Variants in UNC5D observed in about 807,000 individuals in gnomAD.
UNC5D encodes the protein unc-5 netrin receptor D, also known as netrin receptor UNC5D.
Under a neutral mutation model 105.4 loss-of-function variants are expected in UNC5D, and 39 were observed. The ratio of observed to expected loss-of-function variants is 0.37; its 90% CI spans 0.29 to 0.48. The LOEUF (loss-of-function observed/expected upper bound fraction) is 0.48, where lower values mean the gene tolerates loss of function less well. UNC5D is among the 20% of genes least tolerant of loss of function. The pLI is 0.98. For synonymous variants in UNC5D, 452 were observed against 450.4 expected (o/e 1.00, Z -0.04); for missense variants, 991 against 1,202.4 (o/e 0.82, Z 2.60).
chr8:35,322,331 T>TC (rs955147106), intron 1 of UNC5D, among the ~76,000 whole-genome samples: 6 of 151,626 alleles, frequency 4.0e-5, no homozygotes, highest in South Asian at 4.2e-4. Context: ...TGTTTTTTTC[T>TC]CCCCCCTTTT....
At chr8:35,733,468 G>A (rs1829302100) in intron 11 of UNC5D, among the ~76,000 whole-genome samples, 1 of 152,050 alleles carries the variant, frequency 6.6e-6, no homozygotes, top group Non-Finnish European at 1.5e-5. Context: ...AAGAAGGCCC[G>A]TTTTCCTCGA....
At chr8:35,237,976 G>A (rs1478368176) in intron 1 of UNC5D, among the ~76,000 whole-genome samples, 1 of 152,150 alleles carries the variant, frequency 6.6e-6, no homozygotes, top group East Asian at 1.9e-4. Flanking sequence ...AAGATAAGAT[G>A]CACTGGTGTG....
At chr8:35,409,598 C>G (rs1805028169) in intron 1 of UNC5D, among the ~76,000 whole-genome samples, 2 of 137,120 alleles carry the variant, frequency 1.5e-5, no homozygotes, top group South Asian at 4.3e-4. Flanking sequence ...GGGACTTTTG[C>G]TTTCTTTTTG....
At chr8:35,558,239 C>T (rs1365720055) in intron 2 of UNC5D, among the ~76,000 whole-genome samples, 1 of 151,898 alleles carries the variant, frequency 6.6e-6, no homozygotes, top group African/African-American at 2.4e-5. Context: ...GTGACAGACA[C>T]ATACAGGGTG....
chr8:35,287,064 A>G (rs1249392396), intron 1 of UNC5D, among the ~76,000 whole-genome samples: 1 of 152,148 alleles, frequency 6.6e-6, no homozygotes, highest in African/African-American at 2.4e-5. Context: ...CAATTATAGA[A>G]CCTGACACCA....
chr8:35,313,278 G>C (rs967020407), intron 1 of UNC5D, among the ~76,000 whole-genome samples: 1 of 152,098 alleles, frequency 6.6e-6, no homozygotes. Flanking sequence ...TTAGTCATTT[G>C]GTGGAGTGTG....
At chr8:35,401,269 A>C (rs555989830) in intron 1 of UNC5D, among the ~76,000 whole-genome samples, 1 of 152,148 alleles carries the variant, frequency 6.6e-6, no homozygotes, top group Non-Finnish European at 1.5e-5. Flanking sequence ...GGATTACCTG[A>C]GGTCAGGAGT....
chr8:35,291,857 A>T (rs114733538), intron 1 of UNC5D, among the ~76,000 whole-genome samples: 3 of 152,150 alleles, frequency 2.0e-5, no homozygotes, highest in Admixed American at 2.0e-4. Flanking sequence ...ATTATTTTTG[A>T]TATAAAACCA....
At chr8:35,762,107 T>G (rs1043409371) in intron 14 of UNC5D, among the ~76,000 whole-genome samples, 1 of 152,142 alleles carries the variant, frequency 6.6e-6, no homozygotes, top group African/African-American at 2.4e-5. Flanking sequence ...GCTGACTTAT[T>G]ACAATTAGTA....
intron 1 of UNC5D, chr8:35,544,337 C>A: frequency 2.0e-6 from 3 of 1,522,786 alleles, no homozygotes; most frequent in Non-Finnish European, 2.7e-6. Context: ...GAAGATGCAG[C>A]TGTATCAGTG....
At chr8:35,547,983 C>T (rs1465933333) in intron 1 of UNC5D, among the ~76,000 whole-genome samples, 4 of 152,198 alleles carry the variant, frequency 2.6e-5, no homozygotes, top group Non-Finnish European at 5.9e-5. Context: ...CAGAAAGCAT[C>T]CAGCACGGGA....
At chr8:35,731,685 C>G (rs1156595115) in intron 11 of UNC5D, among the ~76,000 whole-genome samples, 1 of 152,174 alleles carries the variant, frequency 6.6e-6, no homozygotes, top group Non-Finnish European at 1.5e-5. Flanking sequence ...TAAACGCTGA[C>G]TGTCTCAGAG....
chr8:35,260,900 C>A (rs1005624657), intron 1 of UNC5D, among the ~76,000 whole-genome samples: 6 of 152,154 alleles, frequency 3.9e-5, no homozygotes, highest in African/African-American at 1.4e-4. Flanking sequence ...TCCAAGAAGG[C>A]ACTCAGGACA....
rs916022887 is a variant in UNC5D, at chr8:35,726,673, T to C, written c.1681+144T>C. 49 of 1,269,732 alleles carry C rather than the reference T, an allele frequency of 3.9e-5. No homozygotes were observed. In the Middle Eastern group the frequency reaches 7.8e-4, roughly 20 times the overall value. 78.7% of individuals were successfully genotyped at this position (1,269,732 alleles called of 1,614,324 possible). The stretch of plus-strand genomic sequence containing the variant: ...ACTGCGGCTCCACTAGTCCACTTGA[T>C]TTACACAGCAAACCAGAACCAATGC... On this transcript the variant is annotated intron_variant, in intron 10 of 16. Coordinates refer to ENST00000404895, the MANE Select transcript of UNC5D (RefSeq NM_080872.4).
intron 1 of UNC5D, among the ~76,000 whole-genome samples, chr8:35,475,955 C>T (rs768482070): frequency 1.2e-4 from 19 of 152,128 alleles, no homozygotes; most frequent in African/African-American, 2.7e-4. Context: ...GCCCACTAGG[C>T]TCTTGGTCTG....
At chr8:35,710,677 G>A (rs1002210914) in intron 8 of UNC5D, among the ~76,000 whole-genome samples, 17 of 152,096 alleles carry the variant, frequency 1.1e-4, no homozygotes, top group African/African-American at 2.9e-4. Context: ...ACATTTAGAT[G>A]TAGAGGAGGT....
chr8:35,353,264 C>T (rs1452885333), intron 1 of UNC5D, among the ~76,000 whole-genome samples: 1 of 152,166 alleles, frequency 6.6e-6, no homozygotes, highest in African/African-American at 2.4e-5. Flanking sequence ...GCCAAGCATT[C>T]ACAGAGTCAT....
chr8:35,653,053 C>T (rs1823526569), intron 4 of UNC5D, among the ~76,000 whole-genome samples: 1 of 151,348 alleles, frequency 6.6e-6, no homozygotes. Flanking sequence ...CCTTAGCCTC[C>T]TGCGTAGCTG....
Position 35,686,712 on chromosome 8 carries a change from A to G in UNC5D, c.1084+3A>G, listed in dbSNP as rs766759823. ...CACAGATGGTCTTTGCATCCTAGGT[A>G]ACACTTTTGCTTTAACATCTTCAGT... On this transcript the variant is annotated splice_donor_region_variant and intron_variant, in intron 7 of 16. Coordinates refer to ENST00000404895, the MANE Select transcript of UNC5D (RefSeq NM_080872.4). 3.5e-5 allele frequency: 56 copies of G among 1,580,440 alleles called. No homozygotes were observed. The highest frequency in any genetic ancestry group is 4.3e-6 in the Non-Finnish European group (5 of 1,165,012).
Sources: allele counts gnomAD v4.1 joint callset (sites outside exome capture counted in the v4.1 genomes callset), GRCh38; gene constraint gnomAD v4.1.1; transcripts MANE v1.5; gene names NCBI Gene and HGNC (gene_info 2026-07-23, HGNC 2026-07-21).